GRB7: variants seen among roughly 807,000 people sequenced by gnomAD.
The protein encoded by GRB7 is growth factor receptor bound protein 7, also known as growth factor receptor-bound protein 7.
A neutral mutation model predicts 64.1 loss-of-function variants in GRB7; 47 were observed. The observed-to-expected ratio is 0.73, with a 90% CI of 0.58 to 0.94. GRB7 has a LOEUF of 0.94. GRB7 is among the 40% of genes least tolerant of loss of function. The pLI, the probability that GRB7 is intolerant of heterozygous loss-of-function variation, is 0.00. For missense variants in GRB7, 634 were observed against 718.4 expected (o/e 0.88, Z 1.34); for synonymous variants, 277 against 279.9 (o/e 0.99, Z 0.10).
Position 39,743,265 on chromosome 17 carries a change from A to G in GRB7, c.549A>G (p.Lys183=), listed in dbSNP as rs1403504380. Reference sequence around the variant, plus strand: ...GAGATAGCCGCTTCGTCTTCCGGAAAAACTTCGCCAAGTACGAACTGTTCA... The same window carrying G: ...GAGATAGCCGCTTCGTCTTCCGGAAGAACTTCGCCAAGTACGAACTGTTCA... ...VGGDSRFVFR[K]NFAKYELFKS... The change falls in exon 5 of 15, where the codon AAA becomes AAG. Residue 183 remains lysine, a synonymous_variant. Coordinates refer to ENST00000309156, the MANE Select transcript of GRB7 (RefSeq NM_005310.5). 3.1e-6 allele frequency: 5 copies of G among 1,614,188 alleles called. No individual in the cohort carries two copies. The highest frequency in any genetic ancestry group is 4.2e-6 in the Non-Finnish European group (5 of 1,180,028).
rs1285465495 is a variant in GRB7 at position 39,742,361 on chromosome 17, C to T, written c.60C>T (p.Ala20=). 4 of 1,613,824 alleles carry T rather than the reference C, an allele frequency of 2.5e-6. No homozygotes were observed. Among genetic ancestry groups the T allele is most frequent in the Non-Finnish European group, 2.5e-6 (3 of 1,179,926 alleles). The change falls in exon 2 of 15, where the codon GCC becomes GCT. Residue 20 remains alanine, a synonymous_variant. Transcript: ENST00000309156. ...GCTCTCCGGAAGACCTTTGCCCAGC[C>T]CCTGGGACCCCTCCTGGGACTCCCC... ...LSSSPEDLCP[A]PGTPPGTPRP... is the part of the protein sequence containing the mutation.
chr17:39,747,148 T>C lies in GRB7; in HGVS notation c.*251T>C, dbSNP rs1214141834. The C allele has an allele frequency of 1.9e-6, 1 of 537,170 alleles. No individual in the cohort carries two copies. The highest frequency in any genetic ancestry group is 1.9e-5 in the African/African-American group (1 of 52,164). 33.3% of individuals were successfully genotyped at this position (537,170 alleles called of 1,614,324 possible). ...CCTCTCCTTCTCCTAGCTCTGGAGG[T>C]GCTGCTCTAGGGCAGGGAATTATGG... On this transcript the variant is annotated 3_prime_UTR_variant, in exon 15 of 15. Coordinates refer to ENST00000309156, the MANE Select transcript of GRB7 (RefSeq NM_005310.5).
rs140955540 is a variant in GRB7, at chr17:39,747,045, GC to G, written c.*150del. ...CTCCAGTTTTCTCCTCTGCTTCTTT[GC>G]CTCCCTCAGATAGAAAACAGCCCCC... is the stretch of plus-strand genomic sequence containing the variant. On this transcript the variant is annotated 3_prime_UTR_variant, in exon 15 of 15. Coordinates refer to ENST00000309156, the MANE Select transcript of GRB7 (RefSeq NM_005310.5). 4,613 of 830,094 alleles carry G rather than the reference GC, an allele frequency of 5.6e-3. 107 individuals are homozygous for G. In the African/African-American group the frequency reaches 0.061, roughly 11 times the overall value. The allele number at this position is 830,094 out of a possible 1,614,324, so 51.4% of individuals were successfully genotyped here.
intron 6 of GRB7, 71 bp from the exon 7 acceptor site, chr17:39,743,999 A>G (rs2060020497): frequency 5.1e-6 from 8 of 1,570,784 alleles, no homozygotes; most frequent in Middle Eastern, 1.7e-4. Context: ...AGAAAAAGAG[A>G]AACATCCTGG....
chr17:39,746,102 C>T lies in GRB7; in HGVS notation c.1359-7C>T, dbSNP rs2060043640. ...GTAATGCTGCCCCATCTCCTGTCTT[C>T]TGGCAGCCTGTTCCTGGTCCGGGAG... On this transcript the variant is annotated splice_region_variant and splice_polypyrimidine_tract_variant and intron_variant, in intron 13 of 14. Coordinates refer to ENST00000309156, the MANE Select transcript of GRB7 (RefSeq NM_005310.5). The T allele has an allele frequency of 1.2e-6, 2 of 1,613,866 alleles. No homozygotes were observed. Among genetic ancestry groups the T allele is most frequent in the Non-Finnish European group, 8.5e-7 (1 of 1,179,762 alleles).
At position 39,742,913 on chromosome 17, in the gene GRB7, A is replaced by G; in HGVS notation, c.322A>G (p.Ser108Gly). The change falls in exon 4 of 15, where the codon AGT (serine) becomes GGT (glycine). Residue 108 changes from serine to glycine, a missense_variant. Ser to Gly is a moderately conservative substitution (Grantham distance 56). Around this residue, in one of 2 missense-constraint regions of GRB7, gnomAD observed 167 missense variants for 141.9 expected, o/e 1.18. Coordinates refer to ENST00000309156, the MANE Select transcript of GRB7 (RefSeq NM_005310.5). ...ASRPHVVKVY[S>G]EDGACRSVEV... is the part of the protein sequence containing the mutation. ...TGGGGCGCAGGTAGTAAAGGTGTACAGTGAGGATGGGGCCTGCAGGTCTGT... is the reference window on the plus strand; with the variant it reads ...TGGGGCGCAGGTAGTAAAGGTGTACGGTGAGGATGGGGCCTGCAGGTCTGT... 1 of 1,602,070 alleles carries G rather than the reference A, an allele frequency of 6.2e-7. No homozygotes were observed. The highest frequency in any genetic ancestry group is 8.5e-7 in the Non-Finnish European group (1 of 1,173,582).
Position 39,745,001 on chromosome 17 carries a change from G to T in GRB7, c.1011+17G>T. 1 of 1,598,326 alleles carries T rather than the reference G, an allele frequency of 6.3e-7. No individual in the cohort carries two copies. The highest frequency in any genetic ancestry group is 1.1e-5 in the South Asian group (1 of 90,552). ...CTCTTCAAGGTGAGACCCTGGGAGT[G>T]GCATGGGGGGCTGGCCTGGCCAGAG... On this transcript the variant is annotated intron_variant, in intron 9 of 14. Coordinates refer to ENST00000309156, the MANE Select transcript of GRB7 (RefSeq NM_005310.5).
intron 1 of GRB7, among the ~76,000 whole-genome samples, chr17:39,740,436 G>A (rs2059985166): frequency 6.6e-6 from 1 of 152,210 alleles, no homozygotes; most frequent in Non-Finnish European, 1.5e-5. Context: ...GCGATGCTTT[G>A]GGTGGGGAGG....
chr17:39,743,326 C>A, intron 5 of GRB7, 25 bp downstream of exon 5: 1 of 1,614,110 alleles, frequency 6.2e-7, no homozygotes, highest in Non-Finnish European at 8.5e-7. Context: ...GCTGTCTGGG[C>A]GCTGGGATGC....
In GRB7 at chr17:39,744,573, C is replaced by A. The variant is rs773615780; in HGVS notation, c.822C>A (p.Tyr274Ter). The A allele has an allele frequency of 6.2e-7, 1 of 1,611,062 alleles. No homozygotes were observed. Among genetic ancestry groups the A allele is most frequent in the Non-Finnish European group, 8.5e-7 (1 of 1,178,626 alleles). The stretch of plus-strand genomic sequence containing the variant: ...CTTAGGATCCGAGGCACCTGCAGTA[C>A]GTGGCAGATGTGAACGAGTCCAACG... ...GTSKDPRHLQ[Y>*]VADVNESNVY... The change falls in exon 8 of 15, where the codon TAC (tyrosine) becomes TAA (stop). Residue 274 changes from tyrosine to a stop codon, truncating the protein, a stop_gained. Coordinates refer to ENST00000309156, the MANE Select transcript of GRB7 (RefSeq NM_005310.5). LOFTEE classifies it high-confidence loss of function.
At chr17:39,739,009 C>A in intron 1 of GRB7, 2 of 1,289,804 alleles carry the variant, frequency 1.6e-6, no homozygotes, top group Non-Finnish European at 2.1e-6. Context: ...TGCGGTGGGG[C>A]CTGGGGAGAG....
At chr17:39,743,080 G>A (rs752446053) in intron 4 of GRB7, 26 bp downstream of exon 4, 38 of 1,597,060 alleles carry the variant, frequency 2.4e-5, no homozygotes, top group Middle Eastern at 1.7e-4. Context: ...GGAACTATCC[G>A]GGCTGGGAGA....
At position 39,746,991 on chromosome 17, in the gene GRB7, A is replaced by T; in HGVS notation, c.*94A>T. The T allele has an allele frequency of 1.4e-6, 2 of 1,391,696 alleles. No homozygotes were observed. Among genetic ancestry groups the T allele is most frequent in the Non-Finnish European group, 2.0e-6 (2 of 1,021,800 alleles). 86.2% of individuals were successfully genotyped at this position (1,391,696 alleles called of 1,614,324 possible). On this transcript the variant is annotated 3_prime_UTR_variant, in exon 15 of 15. Transcript: ENST00000309156. ...GGACTCTGGGGCGCGGCCACAGGGGACGGGATGAGGAGCGGGAGGGTTCCG... is the reference window on the plus strand; with the variant it reads ...GGACTCTGGGGCGCGGCCACAGGGGTCGGGATGAGGAGCGGGAGGGTTCCG...
rs1466825673 is a variant in GRB7, at chr17:39,746,627, AAAG to A, written c.1453-121_1453-119del. The A allele has an allele frequency of 2.8e-3, 3,557 of 1,249,622 alleles. 40 individuals carry two copies. In the African/African-American group the frequency reaches 0.037, roughly 13 times the overall value. 77.4% of individuals were successfully genotyped at this position (1,249,622 alleles called of 1,614,324 possible). Reference sequence around the variant, plus strand: ...TGAGAAAACTGTCTCAAAAAAAAAAAAAGAAAGAAAAAGAAAAAGAAAAAAGAA... The same window carrying A: ...TGAGAAAACTGTCTCAAAAAAAAAAAAAAGAAAAAGAAAAAGAAAAAAGAA... On this transcript the variant is annotated intron_variant, in intron 14 of 14. Coordinates refer to ENST00000309156, the MANE Select transcript of GRB7 (RefSeq NM_005310.5).
rs1042404358 is a variant in GRB7, at chr17:39,740,085, C to T, written c.-51+1952C>T. On this transcript the variant is annotated intron_variant, in intron 1 of 14. Coordinates refer to ENST00000309156, the MANE Select transcript of GRB7 (RefSeq NM_005310.5). ...CCTCCCGAATTCTCTGCTCCTCTCC[C>T]CACCCCACTGTTGGTCTGTGATTTC... The T allele has an allele frequency of 9.1e-6, 9 of 985,452 alleles. No homozygotes were observed. The African/African-American group carries it at 1.6e-4, about 17-fold the overall frequency. 61.0% of individuals were successfully genotyped at this position (985,452 alleles called of 1,614,324 possible). A position where few individuals can be genotyped will look rare whatever the true frequency, so the allele number is the denominator to read the frequency against.
intron 1 of GRB7, among the ~76,000 whole-genome samples, chr17:39,739,303 A>T (rs1195685307): frequency 6.6e-6 from 1 of 152,090 alleles, no homozygotes; most frequent in African/African-American, 2.4e-5. Context: ...TTAACTGCAG[A>T]GACACTCCAG....
intron 1 of GRB7, chr17:39,738,591 T>A: frequency 6.6e-6 from 1 of 152,220 alleles, no homozygotes; most frequent in Non-Finnish European, 1.3e-5. Context: ...GTTCCCTCCC[T>A]GTACACCTCC....
rs1009267085 is a variant in GRB7 at position 39,747,011 on chromosome 17, G to T, written c.*114G>T. 15 of 1,161,140 alleles carry T rather than the reference G, an allele frequency of 1.3e-5. No individual in the cohort carries two copies. The highest frequency in any genetic ancestry group is 1.8e-5 in the Non-Finnish European group (15 of 833,734). The allele number at this position is 1,161,140 out of a possible 1,614,324, so 71.9% of individuals were successfully genotyped here. On this transcript the variant is annotated 3_prime_UTR_variant, in exon 15 of 15. Transcript: ENST00000309156. ...AGGGGACGGGATGAGGAGCGGGAGG[G>T]TTCCGCCACTCCAGTTTTCTCCTCT...
intron 1 of GRB7, among the ~76,000 whole-genome samples, chr17:39,739,512 A>G (rs930523757): frequency 2.7e-4 from 41 of 152,196 alleles, no homozygotes; most frequent in Admixed American, 4.6e-4. Context: ...GGCGTGGAGT[A>G]CTGGGCGGAC....
Sources: allele counts gnomAD v4.1 joint callset (sites outside exome capture counted in the v4.1 genomes callset), GRCh38; gene constraint gnomAD v4.1.1; regional missense constraint gnomAD v4.1.1; transcripts MANE v1.5; gene names NCBI Gene and HGNC (gene_info 2026-07-23, HGNC 2026-07-21).